GALNT18: variants seen among roughly 807,000 people sequenced by gnomAD.
GALNT18 encodes GalNAc-transferase 18.
In GALNT18, 44 loss-of-function variants were observed where a neutral mutation model predicts 69.5. The ratio of observed to expected loss-of-function variants is 0.63; its 90% confidence interval spans 0.50 to 0.81. GALNT18 has a LOEUF of 0.81. Among genes scored for constraint, GALNT18 ranks in the 40% least tolerant of loss-of-function variants. The pLI, the probability that GALNT18 is intolerant of heterozygous loss-of-function variation, is 0.00. For missense variants in GALNT18, 715 were observed against 810.0 expected (o/e 0.88, Z 1.42); for synonymous variants, 364 against 318.2 (o/e 1.14, Z -1.53).
At chr11:11,282,431 G>A (rs1048254930) in intron 10 of GALNT18, among the ~76,000 whole-genome samples, 3 of 152,214 alleles carry the variant, frequency 2.0e-5, no homozygotes, top group Admixed American at 6.5e-5. Context: ...CTGAGAGGTA[G>A]AGAGAATAAT....
rs1352707847 is a variant in GALNT18 at position 11,341,122 on chromosome 11, C to T, written c.1093-118G>A. 6.9e-6 allele frequency: 6 copies of T among 866,694 alleles called. No individual in the cohort carries two copies. Among genetic ancestry groups the T allele is most frequent in the Non-Finnish European group, 1.1e-5 (6 of 564,840 alleles). The allele number at this position is 866,694 out of a possible 1,614,324, so 53.7% of individuals were successfully genotyped here. ...AGTCAGCCCCTTCACCTTGACTCCCCAGATCACTCTCTGTGAAGGAGTAGG... is the reference window on the plus strand; with the variant it reads ...AGTCAGCCCCTTCACCTTGACTCCCTAGATCACTCTCTGTGAAGGAGTAGG... On this transcript the variant is annotated intron_variant, in intron 6 of 10. Coordinates refer to ENST00000227756, the MANE Select transcript of GALNT18 (RefSeq NM_198516.3). The surrounding 1 kb of genome is among the most constrained non-coding windows in gnomAD (Gnocchi z 6.3).
chr11:11,319,828 A>G (rs890336857), intron 9 of GALNT18, among the ~76,000 whole-genome samples: 2 of 152,178 alleles, frequency 1.3e-5, no homozygotes, highest in Non-Finnish European at 2.9e-5. Flanking sequence ...AAGCTAAACA[A>G]TTCCTACTCT....
chr11:11,324,184 T>C (rs576980056), intron 9 of GALNT18, among the ~76,000 whole-genome samples: 124 of 145,916 alleles, frequency 8.5e-4, no homozygotes, highest in African/African-American at 3.0e-3. Flanking sequence ...AGAAAATAAG[T>C]TTATGTGGTT....
rs1859665389 is a variant in GALNT18, at chr11:11,602,898, G to A, written c.235+18461C>T. On this transcript the variant is annotated intron_variant, in intron 1 of 10. Transcript: ENST00000227756. The surrounding 1 kb of genome is among the most constrained non-coding windows in gnomAD (Gnocchi z 4.7). ...GAGCTTTGTGCTGCTTCCAGGTACA[G>A]GAGTCAAAATGGGTGGTAAACTTGG... Among the ~76,000 whole-genome samples the A allele has an allele frequency of 6.6e-6, 1 of 152,234 alleles. No individual in the cohort carries two copies.
rs1401658358 is a variant in GALNT18 at position 11,590,196 on chromosome 11, G to T, written c.235+31163C>A. On this transcript the variant is annotated intron_variant, in intron 1 of 10. Coordinates refer to ENST00000227756, the MANE Select transcript of GALNT18 (RefSeq NM_198516.3). The surrounding 1 kb of genome is among the most constrained non-coding windows in gnomAD (Gnocchi z 4.4). Reference sequence around the variant, plus strand: ...TGCAGTCAGCGGCTGCTACATGGCTGATTCTGTGAATAAAATGTGGTGGAA... The same window carrying T: ...TGCAGTCAGCGGCTGCTACATGGCTTATTCTGTGAATAAAATGTGGTGGAA... Among the ~76,000 whole-genome samples, 1 of 152,222 alleles carries T rather than the reference G, an allele frequency of 6.6e-6. No homozygotes were observed. Among genetic ancestry groups the T allele is most frequent in the Non-Finnish European group, 1.5e-5 (1 of 68,042 alleles).
intron 2 of GALNT18, among the ~76,000 whole-genome samples, chr11:11,440,402 C>T (rs954374959): frequency 1.3e-5 from 2 of 152,164 alleles, no homozygotes; most frequent in Non-Finnish European, 2.9e-5. Flanking sequence ...AGTGAGCAGG[C>T]CAGGCCCATA....
intron 6 of GALNT18, among the ~76,000 whole-genome samples, chr11:11,350,180 G>T (rs780635945): frequency 2.0e-5 from 3 of 152,210 alleles, no homozygotes; most frequent in Non-Finnish European, 4.4e-5. Flanking sequence ...TGAAACAGCT[G>T]CTTACCCACA....
chr11:11,283,757 TTTAA>T (rs765043031), intron 10 of GALNT18, among the ~76,000 whole-genome samples: 9 of 151,898 alleles, frequency 5.9e-5, no homozygotes, highest in South Asian at 4.1e-4. Flanking sequence ...ACACAATACT[TTTAA>T]TTAAAGAATT....
intron 1 of GALNT18, among the ~76,000 whole-genome samples, chr11:11,503,636 G>A (rs1419428698): frequency 6.6e-6 from 1 of 152,226 alleles, no homozygotes; most frequent in Non-Finnish European, 1.5e-5. Flanking sequence ...GTGTGAGTTT[G>A]ACAGTAAGAA....
chr11:11,527,044 T>C (rs1281999597), intron 1 of GALNT18, among the ~76,000 whole-genome samples: 1 of 152,050 alleles, frequency 6.6e-6, no homozygotes, highest in Non-Finnish European at 1.5e-5. Flanking sequence ...TAAATGCATT[T>C]CTCCAGGCCT....
At chr11:11,610,265 G>A (rs1859862421) in intron 1 of GALNT18, among the ~76,000 whole-genome samples, 1 of 152,186 alleles carries the variant, frequency 6.6e-6, no homozygotes, top group African/African-American at 2.4e-5. Flanking sequence ...AGGGCCCTTA[G>A]CCCCTTGCTA....
intron 6 of GALNT18, among the ~76,000 whole-genome samples, chr11:11,360,444 A>C (rs1339163778): frequency 6.6e-6 from 1 of 152,242 alleles, no homozygotes; most frequent in East Asian, 1.9e-4. Context: ...TTTTGAGTAA[A>C]TGTCACTAAG....
chr11:11,328,724 C>T (rs1190204457), intron 8 of GALNT18, among the ~76,000 whole-genome samples: 3 of 152,156 alleles, frequency 2.0e-5, no homozygotes, highest in Non-Finnish European at 4.4e-5. Flanking sequence ...CATTATAAAC[C>T]AATTCCTTGG....
intron 6 of GALNT18, among the ~76,000 whole-genome samples, chr11:11,346,912 G>C (rs1238375091): frequency 6.6e-6 from 1 of 152,136 alleles, no homozygotes; most frequent in African/African-American, 2.4e-5. Flanking sequence ...CTTTGACTTG[G>C]ACCTGTCTTT....
chr11:11,453,319 G>A (rs908534033), intron 1 of GALNT18, among the ~76,000 whole-genome samples: 2 of 152,234 alleles, frequency 1.3e-5, no homozygotes, highest in East Asian at 3.9e-4. Context: ...GCAAGGCCCA[G>A]CACTCACCTC....
intron 1 of GALNT18, among the ~76,000 whole-genome samples, chr11:11,520,616 G>C (rs80021442): frequency 0.031 from 4,663 of 152,276 alleles, 245 homozygotes; most frequent in African/African-American, 0.11. Flanking sequence ...GCAGCAGGAC[G>C]CTGAGTAGGG....
chr11:11,489,496 T>C (rs2133882486), intron 1 of GALNT18, among the ~76,000 whole-genome samples: 1 of 152,274 alleles, frequency 6.6e-6, no homozygotes, highest in Non-Finnish European at 1.5e-5. Context: ...TCCATGCCAG[T>C]CCACATGAAG....
intron 6 of GALNT18, among the ~76,000 whole-genome samples, chr11:11,343,771 CAA>C (rs974466304): frequency 6.6e-6 from 1 of 152,188 alleles, no homozygotes; most frequent in African/African-American, 2.4e-5. Context: ...TGAGTCGTAG[CAA>C]AACTCTTTTA....
At chr11:11,597,015 G>A (rs1201009989) in intron 1 of GALNT18, among the ~76,000 whole-genome samples, 1 of 152,114 alleles carries the variant, frequency 6.6e-6, no homozygotes, top group Admixed American at 6.5e-5. Flanking sequence ...TCCAGAAAGG[G>A]TAGATTTTGT....
Sources: allele counts gnomAD v4.1 joint callset (sites outside exome capture counted in the v4.1 genomes callset), GRCh38; gene constraint gnomAD v4.1.1; non-coding constraint Gnocchi (gnomAD v3.1); transcripts MANE v1.5; gene names NCBI Gene and HGNC (gene_info 2026-07-23, HGNC 2026-07-21).